PXDNL: variants seen among roughly 807,000 people sequenced by gnomAD.
PXDNL encodes the protein probable oxidoreductase PXDNL.
In PXDNL, 145 loss-of-function variants were observed where a neutral mutation model predicts 150.8. The ratio of observed to expected loss-of-function variants is 0.96; its 90% CI spans 0.84 to 1.10. The LOEUF (loss-of-function observed/expected upper bound fraction) is 1.10, where lower values mean the gene tolerates loss of function less well. PXDNL is among the 50% of genes least tolerant of loss of function. The pLI is 0.00. For missense variants in PXDNL, 2,087 were observed against 1,873.9 expected (o/e 1.11, Z -2.10); for synonymous variants, 757 against 725.7 (o/e 1.04, Z -0.69).
At chr8:51,791,097 G>A (rs1276387205) in intron 1 of PXDNL, among the ~76,000 whole-genome samples, 1 of 152,098 alleles carries the variant, frequency 6.6e-6, no homozygotes, top group Non-Finnish European at 1.5e-5. Context: ...GAAGCTACTT[G>A]CCCAAAGACA....
intron 4 of PXDNL, among the ~76,000 whole-genome samples, chr8:51,516,224 G>A (rs1056627801): frequency 2.0e-5 from 3 of 152,162 alleles, no homozygotes; most frequent in African/African-American, 7.2e-5. Flanking sequence ...AAAGAAACAT[G>A]TTATATTTCT....
intron 15 of PXDNL, 73 bp from the exon 16 acceptor site, chr8:51,411,480 A>T: frequency 1.5e-6 from 2 of 1,337,724 alleles, no homozygotes; most frequent in South Asian, 3.4e-5. Flanking sequence ...AATACTGTGC[A>T]TTTAAAAAGG....
intron 17 of PXDNL, among the ~76,000 whole-genome samples, chr8:51,403,953 C>T (rs1808351889): frequency 6.6e-6 from 1 of 152,152 alleles, no homozygotes; most frequent in Admixed American, 6.5e-5. Context: ...GAGTTTCTTC[C>T]TTCTGGTGGG....
intron 3 of PXDNL, among the ~76,000 whole-genome samples, chr8:51,559,741 T>C (rs1448500855): frequency 6.6e-6 from 1 of 151,894 alleles, no homozygotes. Context: ...CCCTGGCTCC[T>C]AAGGAATTGA....
intron 19 of PXDNL, among the ~76,000 whole-genome samples, chr8:51,366,206 G>A (rs879903427): frequency 1.3e-5 from 2 of 152,214 alleles, no homozygotes; most frequent in Admixed American, 1.3e-4. Context: ...TCTGGACATA[G>A]TGAACCTGAC....
chr8:51,744,573 G>A (rs1180394822), intron 1 of PXDNL, among the ~76,000 whole-genome samples: 1 of 148,658 alleles, frequency 6.7e-6, no homozygotes, highest in African/African-American at 2.5e-5. Context: ...CTACTCAGGA[G>A]GCTGAGGCAG....
At chr8:51,544,596 T>G (rs185111491) in intron 4 of PXDNL, among the ~76,000 whole-genome samples, 42 of 152,268 alleles carry the variant, frequency 2.8e-4, no homozygotes, top group Admixed American at 9.8e-4. Flanking sequence ...GCAAATGTAG[T>G]TTGGCAAATT....
In PXDNL at chr8:51,409,946, C is replaced by T. The variant is rs145511594; in HGVS notation, c.2063-385G>A. On this transcript the variant is annotated intron_variant, in intron 16 of 22. Coordinates refer to ENST00000356297, the MANE Select transcript of PXDNL (RefSeq NM_144651.5). ...TAGAAGAAGCAAAATGGAAAGAGAA[C>T]AGGTGCCAGCCAGCTCCTAACTTCT... Among the ~76,000 whole-genome samples, 58 of 152,292 alleles carry T rather than the reference C, an allele frequency of 3.8e-4. 1 individual carries two copies. The highest frequency in any genetic ancestry group is 7.4e-4 in the Non-Finnish European group (50 of 68,014).
intron 2 of PXDNL, among the ~76,000 whole-genome samples, chr8:51,651,228 C>T (rs1187869540): frequency 2.6e-5 from 4 of 152,026 alleles, no homozygotes; most frequent in Admixed American, 6.6e-5. Flanking sequence ...AGGAATAAAG[C>T]GTAGTATATA....
intron 1 of PXDNL, among the ~76,000 whole-genome samples, chr8:51,764,573 A>T (rs1182825737): frequency 1.3e-5 from 2 of 151,712 alleles, no homozygotes; most frequent in African/African-American, 4.8e-5. Context: ...GTTTATTTAG[A>T]TGTGTTTTGC....
At chr8:51,368,460 G>C (rs1368365670) in intron 19 of PXDNL, among the ~76,000 whole-genome samples, 3 of 151,898 alleles carry the variant, frequency 2.0e-5, no homozygotes, top group Non-Finnish European at 4.4e-5. Flanking sequence ...AAAAAATGTA[G>C]TTAAATTTGG....
At chr8:51,670,713 C>G (rs1815481504) in intron 1 of PXDNL, among the ~76,000 whole-genome samples, 1 of 152,072 alleles carries the variant, frequency 6.6e-6, no homozygotes, top group Non-Finnish European at 1.5e-5. Flanking sequence ...GTAGAAAGAT[C>G]ACTAGATTTT....
chr8:51,583,266 T>C (rs973292308), intron 3 of PXDNL, among the ~76,000 whole-genome samples: 1 of 152,120 alleles, frequency 6.6e-6, no homozygotes, highest in African/African-American at 2.4e-5. Context: ...AGCATCTGCT[T>C]GGCTTCTGGT....
At chr8:51,586,340 CAGA>C (rs1410322009) in intron 3 of PXDNL, among the ~76,000 whole-genome samples, 1 of 152,120 alleles carries the variant, frequency 6.6e-6, no homozygotes, top group Non-Finnish European at 1.5e-5. Context: ...CATTCTAGAC[CAGA>C]AGATCTGAGC....
At chr8:51,375,828 G>A (rs1807285902) in intron 17 of PXDNL, among the ~76,000 whole-genome samples, 1 of 152,148 alleles carries the variant, frequency 6.6e-6, no homozygotes, top group Admixed American at 6.5e-5. Flanking sequence ...CAGCTTTGTG[G>A]GACAACTGTG....
At chr8:51,583,687 C>T (rs1179450010) in intron 3 of PXDNL, among the ~76,000 whole-genome samples, 2 of 152,104 alleles carry the variant, frequency 1.3e-5, no homozygotes, top group Non-Finnish European at 2.9e-5. Flanking sequence ...TAGTATAGTA[C>T]TTCCATGGTA....
chr8:51,715,638 C>A (rs1816600696), intron 1 of PXDNL, among the ~76,000 whole-genome samples: 1 of 152,094 alleles, frequency 6.6e-6, no homozygotes, highest in South Asian at 2.1e-4. Context: ...AAAGCACCTG[C>A]CATATGAGGA....
intron 1 of PXDNL, among the ~76,000 whole-genome samples, chr8:51,754,686 G>C (rs1265382623): frequency 6.6e-6 from 1 of 151,916 alleles, no homozygotes; most frequent in Non-Finnish European, 1.5e-5. Flanking sequence ...TGTATTTTTA[G>C]TAGAGATACG....
chr8:51,433,291 A>G (rs1373647412), intron 12 of PXDNL, among the ~76,000 whole-genome samples: 3 of 150,962 alleles, frequency 2.0e-5, no homozygotes, highest in African/African-American at 7.3e-5. Flanking sequence ...GTAATTTTCT[A>G]TTGTTTTATT....
Sources: gnomAD v4.1 joint callset for allele counts (sites outside exome capture counted in the v4.1 genomes callset) on GRCh38, gnomAD v4.1.1 for gene constraint, MANE v1.5 for transcripts, NCBI Gene and HGNC (gene_info 2026-07-23, HGNC 2026-07-21) for gene names.